ASIC2: variants seen among roughly 807,000 people sequenced by gnomAD.
The protein encoded by ASIC2 is acid-sensing ion channel 2.
A neutral mutation model predicts 57.3 loss-of-function variants in ASIC2; 25 were observed. The observed-to-expected ratio is 0.44, with a 90% CI of 0.32 to 0.61. The LOEUF (loss-of-function observed/expected upper bound fraction) is 0.61. ASIC2 is among the 20% of genes least tolerant of loss of function. The pLI is 0.06. For missense variants in ASIC2, 641 were observed against 738.1 expected (o/e 0.87, Z 1.52); for synonymous variants, 319 against 307.5 (o/e 1.04, Z -0.39).
At chr17:33,589,898 G>C (rs775199032) in intron 1 of ASIC2, among the ~76,000 whole-genome samples, 1 of 152,174 alleles carries the variant, frequency 6.6e-6, no homozygotes, top group Non-Finnish European at 1.5e-5. Flanking sequence ...TAGATCATAT[G>C]ATAATTCTAT....
chr17:33,422,984 G>A (rs1286923367), intron 1 of ASIC2, among the ~76,000 whole-genome samples: 1 of 152,160 alleles, frequency 6.6e-6, no homozygotes, highest in Non-Finnish European at 1.5e-5. Context: ...GTGCCGCACA[G>A]CCCTGGCCAC....
intron 1 of ASIC2, among the ~76,000 whole-genome samples, chr17:34,100,927 T>C (rs1910842126): frequency 6.6e-6 from 1 of 152,216 alleles, no homozygotes; most frequent in Admixed American, 6.5e-5. Context: ...CTAGCACTCA[T>C]TGTGTGATGT....
intron 3 of ASIC2, among the ~76,000 whole-genome samples, chr17:33,046,811 G>T (rs1432117533): frequency 6.6e-6 from 1 of 152,236 alleles, no homozygotes; most frequent in East Asian, 1.9e-4. Context: ...GGCAGCTGCA[G>T]CAGATTGACA....
intron 1 of ASIC2, among the ~76,000 whole-genome samples, chr17:33,190,041 G>A (rs1277671335): frequency 6.6e-6 from 1 of 152,114 alleles, no homozygotes; most frequent in Non-Finnish European, 1.5e-5. Flanking sequence ...AACTAGTGCA[G>A]TAAGACAAGA....
chr17:33,953,618 A>T (rs1904645788), intron 1 of ASIC2, among the ~76,000 whole-genome samples: 1 of 152,206 alleles, frequency 6.6e-6, no homozygotes, highest in African/African-American at 2.4e-5. Flanking sequence ...GTCAAAAAAT[A>T]AAAAATCTCA....
intron 1 of ASIC2, among the ~76,000 whole-genome samples, chr17:33,660,767 T>C (rs921140278): frequency 4.6e-5 from 7 of 152,242 alleles, no homozygotes; most frequent in Non-Finnish European, 7.3e-5. Flanking sequence ...TGTTAGACTC[T>C]TACGGAACCA....
chr17:33,407,406 G>A (rs937134111), intron 1 of ASIC2, among the ~76,000 whole-genome samples: 4 of 152,198 alleles, frequency 2.6e-5, no homozygotes, highest in Non-Finnish European at 4.4e-5. Flanking sequence ...TATTAACTGT[G>A]TAGTATCTTT....
intron 1 of ASIC2, among the ~76,000 whole-genome samples, chr17:33,423,539 G>C (rs968935471): frequency 2.0e-5 from 3 of 152,172 alleles, no homozygotes; most frequent in African/African-American, 7.2e-5. Flanking sequence ...TTTGTGTTCA[G>C]ACTTAGCTTT....
chr17:33,054,157 G>A (rs1312899805), intron 3 of ASIC2, among the ~76,000 whole-genome samples: 3 of 151,980 alleles, frequency 2.0e-5, no homozygotes, highest in African/African-American at 7.3e-5. Flanking sequence ...TTTGGATCTT[G>A]GTGTTCAGCC....
intron 1 of ASIC2, among the ~76,000 whole-genome samples, chr17:34,031,138 T>G (rs9915549): frequency 6.6e-6 from 1 of 151,924 alleles, no homozygotes; most frequent in African/African-American, 2.4e-5. Flanking sequence ...ACAATTCACA[T>G]GGCCGGGTAC....
At chr17:33,561,579 GCAT>G in intron 1 of ASIC2, among the ~76,000 whole-genome samples, 1 of 152,308 alleles carries the variant, frequency 6.6e-6, no homozygotes, top group East Asian at 1.9e-4. Flanking sequence ...TCCACTGTCT[GCAT>G]CGTTTGGAGT....
intron 1 of ASIC2, among the ~76,000 whole-genome samples, chr17:33,320,786 C>T (rs189909829): frequency 2.0e-5 from 3 of 152,282 alleles, no homozygotes; most frequent in Admixed American, 1.3e-4. Flanking sequence ...TTTCTCTCCC[C>T]TGAAAATCCT....
At chr17:33,308,081 T>A (rs886387022) in intron 1 of ASIC2, among the ~76,000 whole-genome samples, 8 of 152,206 alleles carry the variant, frequency 5.3e-5, no homozygotes, top group African/African-American at 1.9e-4. Flanking sequence ...TCTAAATACC[T>A]CAAACAGTGC....
intron 1 of ASIC2, among the ~76,000 whole-genome samples, chr17:33,631,033 T>A (rs1019946864): frequency 2.0e-5 from 3 of 152,202 alleles, no homozygotes; most frequent in African/African-American, 7.2e-5. Flanking sequence ...ACTCTCAGAT[T>A]GGAGTAAAGT....
chr17:33,082,802 T>G (rs1458090008), intron 3 of ASIC2, among the ~76,000 whole-genome samples: 1 of 152,204 alleles, frequency 6.6e-6, no homozygotes, highest in East Asian at 1.9e-4. Flanking sequence ...GACAGCTTGG[T>G]GCTGTCCCCA....
At chr17:33,735,194 C>A (rs1456909749) in intron 1 of ASIC2, among the ~76,000 whole-genome samples, 1 of 152,064 alleles carries the variant, frequency 6.6e-6, no homozygotes, top group African/African-American at 2.4e-5. Flanking sequence ...TTGCCTCTGC[C>A]TGCCATTGTG....
intron 1 of ASIC2, among the ~76,000 whole-genome samples, chr17:33,848,193 C>G (rs545060571): frequency 6.6e-6 from 1 of 152,172 alleles, no homozygotes; most frequent in African/African-American, 2.4e-5. Flanking sequence ...GGCACTGCAG[C>G]CTTTGCCAGA....
At chr17:33,283,753 G>T (rs963696318) in intron 1 of ASIC2, among the ~76,000 whole-genome samples, 9 of 152,188 alleles carry the variant, frequency 5.9e-5, no homozygotes, top group African/African-American at 2.2e-4. Context: ...GCAGGCAATA[G>T]AGTGTAATCA....
Position 33,932,099 on chromosome 17 carries a change from G to A in ASIC2, c.555+223879C>T, listed in dbSNP as rs58889751. On this transcript the variant is annotated intron_variant, in intron 1 of 9. Transcript: ENST00000359872. ...CAGAATAGGCAGGGTCAATTCCAAC[G>A]CCACCTTCCCAGGGTGATCTGGAAT... Among the ~76,000 whole-genome samples, 887 of 152,146 alleles carry A rather than the reference G, an allele frequency of 5.8e-3. 13 individuals are homozygous for A. The highest frequency in any genetic ancestry group is 0.02 in the African/African-American group (830 of 41,516).
Sources: gnomAD v4.1 joint callset for allele counts (sites outside exome capture counted in the v4.1 genomes callset) on GRCh38, gnomAD v4.1.1 for gene constraint, MANE v1.5 for transcripts, NCBI Gene and HGNC (gene_info 2026-07-23, HGNC 2026-07-21) for gene names.